The following ARL8A variants were observed in gnomAD, a reference collection of about 807,000 sequenced individuals.
ARL8A encodes the protein ARF like GTPase 8A, also known as ADP-ribosylation factor-like protein 8A.
A neutral mutation model predicts 31.2 loss-of-function variants in ARL8A; 10 were observed. The ratio of observed to expected loss-of-function variants is 0.32; its 90% CI spans 0.20 to 0.54. The LOEUF is 0.54. ARL8A is among the 20% of genes least tolerant of loss of function. The pLI, the probability that ARL8A is intolerant of heterozygous loss-of-function variation, is 0.93. For synonymous variants in ARL8A, 70 were observed against 86.9 expected (o/e 0.81, Z 1.08); for missense variants, 129 against 242.8 (o/e 0.53, Z 3.12).
At position 202,135,626 on chromosome 1, in the gene ARL8A, C is replaced by T. The variant is rs1654985585; in HGVS notation, c.372+81G>A. On this transcript the variant is annotated intron_variant, in intron 4 of 6. Transcript: ENST00000272217. The surrounding 1 kb of genome is among the most constrained non-coding windows in gnomAD (Gnocchi z 5.3). The stretch of plus-strand genomic sequence containing the variant: ...TGGGTCCCGTTTCCTCTCTGCGCCC[C>T]TACCATGCCTGGCTTTTACCTGCTC... 1.9e-6 allele frequency: 3 copies of T among 1,577,358 alleles called. No individual in the cohort carries two copies. The highest frequency in any genetic ancestry group is 1.7e-5 in the Admixed American group (1 of 59,876).
rs1003570133 is a variant in ARL8A, at chr1:202,144,191, G to A, written c.123+259C>T. 6.6e-6 allele frequency among the ~76,000 whole-genome samples: 1 copy of A among 151,966 alleles called. No homozygotes were observed. The highest frequency in any genetic ancestry group is 2.4e-5 in the African/African-American group (1 of 41,436). On this transcript the variant is annotated intron_variant, in intron 1 of 6. Coordinates refer to ENST00000272217, the MANE Select transcript of ARL8A (RefSeq NM_138795.4). This position sits in a 1 kb window ranked among gnomAD's most constrained non-coding sequence, Gnocchi z 5.2. The stretch of plus-strand genomic sequence containing the variant: ...CCGCCTGCCCCGTGGCACCGGCCCT[G>A]TCTGTTCGTCCCCCTTCCCCTGCCC...
At chr1:202,140,994 T>C (rs1244215432) in intron 1 of ARL8A, among the ~76,000 whole-genome samples, 2 of 152,184 alleles carry the variant, frequency 1.3e-5, no homozygotes, top group African/African-American at 2.4e-5. Context: ...ATGGTTTCGA[T>C]ATAGCATGGG....
At position 202,144,726 on chromosome 1, in the gene ARL8A, C is replaced by A; in HGVS notation, c.-154G>T. 1 of 819,544 alleles carries A rather than the reference C, an allele frequency of 1.2e-6. No individual in the cohort carries two copies. The highest frequency in any genetic ancestry group is 1.5e-6 in the Non-Finnish European group (1 of 668,364). The allele number at this position is 819,544 out of a possible 1,614,324, so 50.8% of individuals were successfully genotyped here. On this transcript the variant is annotated 5_prime_UTR_variant, in exon 1 of 7. Coordinates refer to ENST00000272217, the MANE Select transcript of ARL8A (RefSeq NM_138795.4). The surrounding 1 kb of genome is among the most constrained non-coding windows in gnomAD (Gnocchi z 5.2). Reference sequence around the variant, plus strand: ...CGCGGCTGCCGACGACTCGCTGCCCCGGAATCGGCTCGCCGATGGGTGTGG... The same window carrying A: ...CGCGGCTGCCGACGACTCGCTGCCCAGGAATCGGCTCGCCGATGGGTGTGG...
Position 202,134,851 on chromosome 1 carries a change from A to G in ARL8A, c.511+299T>C, listed in dbSNP as rs1654959867. On this transcript the variant is annotated intron_variant, in intron 6 of 6. Coordinates refer to ENST00000272217, the MANE Select transcript of ARL8A (RefSeq NM_138795.4). The surrounding 1 kb of genome is among the most constrained non-coding windows in gnomAD (Gnocchi z 4.2). ...GTAGTAGCGGAATTCAGGTGCTGGG[A>G]AAGAGACAGAGCCACAGCATGTCAG... Among the ~76,000 whole-genome samples the G allele has an allele frequency of 6.6e-6, 1 of 152,192 alleles. No individual in the cohort carries two copies.
intron 1 of ARL8A, among the ~76,000 whole-genome samples, chr1:202,140,866 G>A (rs1655150284): frequency 6.6e-6 from 1 of 152,164 alleles, no homozygotes; most frequent in Non-Finnish European, 1.5e-5. Flanking sequence ...CTCATCCCAG[G>A]GGGTGCTTGG....
chr1:202,139,215 C>A (rs535190994), intron 1 of ARL8A, among the ~76,000 whole-genome samples: 1 of 152,346 alleles, frequency 6.6e-6, no homozygotes, highest in East Asian at 1.9e-4. Context: ...ACCCAACTCC[C>A]TCCCAGGTCA....
chr1:202,140,313 T>G (rs963532909), intron 1 of ARL8A, among the ~76,000 whole-genome samples: 1 of 136,132 alleles, frequency 7.3e-6, no homozygotes, highest in African/African-American at 2.5e-5. Context: ...TTTTTTTTTT[T>G]TGTATTTTTA....
intron 1 of ARL8A, among the ~76,000 whole-genome samples, chr1:202,142,058 G>A (rs1655178066): frequency 6.6e-6 from 1 of 152,100 alleles, no homozygotes; most frequent in Non-Finnish European, 1.5e-5. Flanking sequence ...AGTAGAGATG[G>A]GGTTTCACCA....
Position 202,134,951 on chromosome 1 carries a change from G to A in ARL8A, c.511+199C>T, listed in dbSNP as rs772105683. ...ACGAGGAGGTGAAGCCCAGAGCGGG[G>A]ATCGATTTGCCCGAGATCACACAAC... On this transcript the variant is annotated intron_variant, in intron 6 of 6. Transcript: ENST00000272217. The surrounding 1 kb of genome is among the most constrained non-coding windows in gnomAD (Gnocchi z 4.2). Among the ~76,000 whole-genome samples, 21 of 151,476 alleles carry A rather than the reference G, an allele frequency of 1.4e-4. No individual in the cohort carries two copies. The highest frequency in any genetic ancestry group is 2.8e-4 in the Non-Finnish European group (19 of 67,854).
chr1:202,143,149 G>C (rs1558307440), intron 1 of ARL8A, among the ~76,000 whole-genome samples: 1 of 152,190 alleles, frequency 6.6e-6, no homozygotes, highest in Non-Finnish European at 1.5e-5. Flanking sequence ...AGGAGACACT[G>C]GGTCGAGAAA....
chr1:202,143,254 T>A (rs1485603535), intron 1 of ARL8A, among the ~76,000 whole-genome samples: 1 of 152,196 alleles, frequency 6.6e-6, no homozygotes, highest in African/African-American at 2.4e-5. Flanking sequence ...TCCATCTGCC[T>A]TCATGCCTCA....
intron 3 of ARL8A, among the ~76,000 whole-genome samples, chr1:202,136,070 G>T (rs1180796749): frequency 6.6e-6 from 1 of 152,022 alleles, no homozygotes; most frequent in Non-Finnish European, 1.5e-5. Flanking sequence ...AAAAGCGTGG[G>T]CCCTTTGAGA....
chr1:202,139,024 G>A (rs947416409), intron 1 of ARL8A, among the ~76,000 whole-genome samples: 1 of 152,142 alleles, frequency 6.6e-6, no homozygotes, highest in Non-Finnish European at 1.5e-5. Flanking sequence ...ATTTATCTAT[G>A]TGTCTCCTCA....
At position 202,135,282 on chromosome 1, in the gene ARL8A, G is replaced by C. The variant is rs941215429; in HGVS notation, c.441-62C>G. 57 of 1,542,140 alleles carry C rather than the reference G, an allele frequency of 3.7e-5. No homozygotes were observed. Among genetic ancestry groups the C allele is most frequent in the Non-Finnish European group, 4.8e-5 (53 of 1,115,190 alleles). On this transcript the variant is annotated intron_variant, in intron 5 of 6. Transcript: ENST00000272217. The surrounding 1 kb of genome is among the most constrained non-coding windows in gnomAD (Gnocchi z 5.3). ...AACGTCCAGGGGGCCTGGGGCTAGG[G>C]GACAGCGGGGCCTTTTTCTTACCTA...
chr1:202,135,421 T>C lies in ARL8A; in HGVS notation c.440+38A>G. 1 of 1,603,236 alleles carries C rather than the reference T, an allele frequency of 6.2e-7. No homozygotes were observed. The highest frequency in any genetic ancestry group is 1.1e-5 in the South Asian group (1 of 90,818). ...GCTGTTGGTCTGGTGGTTGGGGAAT[T>C]GGGAGAGCAGAAAGTAATATAGAGT... On this transcript the variant is annotated intron_variant, in intron 5 of 6. Coordinates refer to ENST00000272217, the MANE Select transcript of ARL8A (RefSeq NM_138795.4). This position sits in a 1 kb window ranked among gnomAD's most constrained non-coding sequence, Gnocchi z 5.3.
At position 202,134,480 on chromosome 1, in the gene ARL8A, G is replaced by T. The variant is rs1654950025; in HGVS notation, c.548C>A (p.Ser183Ter). The T allele has an allele frequency of 6.2e-7, 1 of 1,613,510 alleles. No individual in the cohort carries two copies. The highest frequency in any genetic ancestry group is 8.5e-7 in the Non-Finnish European group (1 of 1,179,536). ...AGGGCTGGAGTCTCAGCTTCTCCGT[G>T]ACTTCGAGTGTTGAATAAGCCACTG... ...TLQWLIQHSK[S>*]RRS The change falls in exon 7 of 7, where the codon TCA becomes TAA. Residue 183 changes from serine (S) to a stop codon, truncating the protein, a stop_gained. Transcript: ENST00000272217. LOFTEE classifies it high-confidence loss of function. This position sits in a 1 kb window ranked among gnomAD's most constrained non-coding sequence, Gnocchi z 4.2.
rs1655068111 is a variant in ARL8A at position 202,138,229 on chromosome 1, C to T, written c.204+139G>A. 8.5e-7 allele frequency: 1 copy of T among 1,181,880 alleles called. No individual in the cohort carries two copies. Among genetic ancestry groups the T allele is most frequent in the Admixed American group, 2.0e-5 (1 of 49,950 alleles). 73.2% of individuals were successfully genotyped at this position (1,181,880 alleles called of 1,614,324 possible). A position where few individuals can be genotyped will look rare whatever the true frequency, so the allele number is the denominator to read the frequency against. ...CTACTGTCTTTTCCCAGCTCCTCAG[C>T]AGGGGGACCCTGGCCTCTGCCCCAC... On this transcript the variant is annotated intron_variant, in intron 2 of 6. Transcript: ENST00000272217. This position sits in a 1 kb window ranked among gnomAD's most constrained non-coding sequence, Gnocchi z 4.4.
Position 202,134,435 on chromosome 1 carries a change from G to T in ARL8A, c.*32C>A. The T allele has an allele frequency of 2.5e-6, 4 of 1,603,050 alleles. No homozygotes were observed. The highest frequency in any genetic ancestry group is 3.4e-6 in the Non-Finnish European group (4 of 1,170,260). ...CTCGGCTTCAGGTTTAGATGATGAC[G>T]GTCCCTGGTCTGAGGGAGAAGGGCT... is the stretch of plus-strand genomic sequence containing the variant. On this transcript the variant is annotated 3_prime_UTR_variant, in exon 7 of 7. Transcript: ENST00000272217. This position sits in a 1 kb window ranked among gnomAD's most constrained non-coding sequence, Gnocchi z 4.2.
intron 3 of ARL8A, among the ~76,000 whole-genome samples, chr1:202,137,175 A>G (rs1276656966): frequency 6.6e-6 from 1 of 151,984 alleles, no homozygotes; most frequent in African/African-American, 2.4e-5. Context: ...CCATTTTTCA[A>G]TGTTTAAAAT....
Sources: allele counts gnomAD v4.1 joint callset (sites outside exome capture counted in the v4.1 genomes callset), GRCh38; gene constraint gnomAD v4.1.1; non-coding constraint Gnocchi (gnomAD v3.1); transcripts MANE v1.5; gene names NCBI Gene and HGNC (gene_info 2026-07-23, HGNC 2026-07-21).